Variants in ERC2 observed in about 807,000 individuals in gnomAD.
ERC2 encodes the protein ELKS/RAB6-interacting/CAST family member 2, also known as ERC protein 2.
ERC2 carries 42 observed loss-of-function variants against 114.8 expected under a neutral mutation model. The ratio of observed to expected loss-of-function variants is 0.37; its 90% CI spans 0.29 to 0.47. ERC2 has a LOEUF of 0.47. Ranked by LOEUF, ERC2 falls within the 20% of genes least tolerant of loss-of-function variation. The probability of loss-of-function intolerance (pLI) is 0.99; values close to 1 mark genes in which losing one functional copy is unlikely to be tolerated. For synonymous variants in ERC2, 454 were observed against 425.5 expected, an observed-to-expected ratio of 1.07 and a Z score of -0.82; for missense variants, 939 against 1,150.7, an observed-to-expected ratio of 0.82 and a Z score of 2.66.
intron 17 of ERC2, among the ~76,000 whole-genome samples, chr3:55,639,120 T>A (rs2060073843): frequency 6.6e-6 from 1 of 152,156 alleles, no homozygotes; most frequent in Non-Finnish European, 1.5e-5. Context: ...TGGAGGAAGT[T>A]CTCAAACAAA....
At chr3:56,323,971 T>C (rs2057244105) in intron 2 of ERC2, among the ~76,000 whole-genome samples, 1 of 152,184 alleles carries the variant, frequency 6.6e-6, no homozygotes, top group Non-Finnish European at 1.5e-5. Flanking sequence ...TCCTCTTATT[T>C]CCATGGAAGA....
At chr3:56,375,679 T>A (rs1005057122) in intron 2 of ERC2, among the ~76,000 whole-genome samples, 7 of 152,180 alleles carry the variant, frequency 4.6e-5, no homozygotes, top group African/African-American at 1.7e-4. Context: ...AAGGGTGCTG[T>A]GTTAGGCAGC....
intron 13 of ERC2, among the ~76,000 whole-genome samples, chr3:55,916,507 G>T (rs1304401652): frequency 1.3e-5 from 2 of 152,242 alleles, no homozygotes; most frequent in East Asian, 3.9e-4. Flanking sequence ...ATAATCACAT[G>T]TGCGCTAGTA....
intron 17 of ERC2, among the ~76,000 whole-genome samples, chr3:55,589,635 T>C (rs2057776332): frequency 6.6e-6 from 1 of 151,916 alleles, no homozygotes; most frequent in Non-Finnish European, 1.5e-5. Context: ...AGCTTATACG[T>C]GAATTCCCAG....
intron 14 of ERC2, among the ~76,000 whole-genome samples, chr3:55,812,043 G>A (rs1382228446): frequency 6.6e-6 from 1 of 152,160 alleles, no homozygotes; most frequent in Non-Finnish European, 1.5e-5. Flanking sequence ...CCCAGTGTAT[G>A]TTGCTCCCTT....
chr3:55,806,754 T>C (rs1559685866), intron 14 of ERC2, among the ~76,000 whole-genome samples: 2 of 152,204 alleles, frequency 1.3e-5, no homozygotes, highest in African/African-American at 2.4e-5. Flanking sequence ...TCGAAAATCA[T>C]AAGCTTTGAA....
intron 17 of ERC2, among the ~76,000 whole-genome samples, chr3:55,590,062 A>T (rs1433955033): frequency 6.6e-6 from 1 of 152,262 alleles, no homozygotes; most frequent in Non-Finnish European, 1.5e-5. Context: ...TAAAAATAAG[A>T]CAATACATTT....
chr3:56,083,726 T>TGGGTGATGAGGTATTG (rs35233312), intron 6 of ERC2, among the ~76,000 whole-genome samples: 1 of 152,028 alleles, frequency 6.6e-6, no homozygotes, highest in Non-Finnish European at 1.5e-5. Flanking sequence ...AAGGTTCCCA[T>TGGGTGATGAGGTATTG]GGGTGATGAG....
chr3:56,163,030 C>A (rs2082136863), intron 4 of ERC2, among the ~76,000 whole-genome samples: 1 of 152,062 alleles, frequency 6.6e-6, no homozygotes, highest in Non-Finnish European at 1.5e-5. Context: ...CTTAACACTG[C>A]TTTTGCTCTG....
chr3:55,872,045 A>G (rs2062609091), intron 14 of ERC2, among the ~76,000 whole-genome samples: 1 of 152,216 alleles, frequency 6.6e-6, no homozygotes, highest in Admixed American at 6.5e-5. Flanking sequence ...AGTGGGGAAT[A>G]GAAAGGAAAC....
intron 16 of ERC2, among the ~76,000 whole-genome samples, chr3:55,685,565 C>T (rs1559498293): frequency 6.6e-6 from 1 of 152,144 alleles, no homozygotes; most frequent in Non-Finnish European, 1.5e-5. Context: ...GGGAAGTTTA[C>T]ACCATGAGAC....
chr3:55,871,098 C>T (rs1029806867), intron 14 of ERC2, among the ~76,000 whole-genome samples: 1 of 152,182 alleles, frequency 6.6e-6, no homozygotes, highest in Non-Finnish European at 1.5e-5. Flanking sequence ...ATGGAAACCA[C>T]CCCACTGACC....
rs561366840 is a variant in ERC2, at chr3:56,055,604, C to T, written c.1641+25213G>A. Among the ~76,000 whole-genome samples the T allele has an allele frequency of 3.0e-4, 45 of 152,286 alleles. No homozygotes were observed. In the South Asian group the frequency reaches 9.3e-3, roughly 32 times the overall value. ...CCTGAAGAGCTCAAGCAGAGCTTTTCCTACTAGAATGTCCCGTATAACAGG... is the reference window on the plus strand; with the variant it reads ...CCTGAAGAGCTCAAGCAGAGCTTTTTCTACTAGAATGTCCCGTATAACAGG... On this transcript the variant is annotated intron_variant, in intron 7 of 17. Transcript: ENST00000288221.
At chr3:55,621,863 G>A (rs1425189900) in intron 17 of ERC2, among the ~76,000 whole-genome samples, 8 of 152,182 alleles carry the variant, frequency 5.3e-5, no homozygotes, top group African/African-American at 1.9e-4. Context: ...TGCCAGGCAG[G>A]TGAGTGTTCC....
At chr3:55,929,588 T>C (rs1392455758) in intron 13 of ERC2, among the ~76,000 whole-genome samples, 1 of 152,130 alleles carries the variant, frequency 6.6e-6, no homozygotes, top group Non-Finnish European at 1.5e-5. Flanking sequence ...GATAGGCAAA[T>C]GGATAATAAA....
rs944872983 is a variant in ERC2 at position 55,626,664 on chromosome 3, C to A, written c.*39+57130G>T. On this transcript the variant is annotated intron_variant, in intron 17 of 17. Coordinates refer to ENST00000288221, the MANE Select transcript of ERC2 (RefSeq NM_015576.3). ...TGGCATTGGAAAAGTAACCTCTAAC[C>A]AGACACATGGTACAGAAGAATTGCT... Among the ~76,000 whole-genome samples the A allele has an allele frequency of 2.0e-5, 3 of 152,304 alleles. No homozygotes were observed. The East Asian group carries it at 5.8e-4, about 29-fold the overall frequency.
At chr3:56,402,659 G>A (rs755361158) in intron 2 of ERC2, among the ~76,000 whole-genome samples, 4 of 152,200 alleles carry the variant, frequency 2.6e-5, no homozygotes, top group Admixed American at 6.5e-5. Flanking sequence ...CTGAAACTTC[G>A]GCAATATGAT....
At chr3:55,997,209 C>T (rs3817370) in intron 10 of ERC2, among the ~76,000 whole-genome samples, 49,807 of 151,974 alleles carry the variant, frequency 0.33, 8,790 homozygotes, top group East Asian at 0.49. Context: ...AGAATGTTAA[C>T]GAATGTATTT....
chr3:56,264,746 G>T (rs1204925370), intron 3 of ERC2, among the ~76,000 whole-genome samples: 1 of 146,868 alleles, frequency 6.8e-6, no homozygotes. Context: ...AATAATAGAT[G>T]AATTCAGTAA....
Sources: allele counts gnomAD v4.1 joint callset (sites outside exome capture counted in the v4.1 genomes callset), GRCh38; gene constraint gnomAD v4.1.1; transcripts MANE v1.5; gene names NCBI Gene and HGNC (gene_info 2026-07-23, HGNC 2026-07-21).